ATP1A2: variants seen among roughly 807,000 people sequenced by gnomAD.
The protein encoded by ATP1A2 is sodium/potassium-transporting ATPase subunit alpha-2.
Under a neutral mutation model 113.1 loss-of-function variants are expected in ATP1A2, and 56 were observed. That is an observed-to-expected ratio of 0.49 (90% CI 0.40 to 0.62). ATP1A2 has a LOEUF of 0.62. Ranked by LOEUF, ATP1A2 falls within the 20% of genes least tolerant of loss-of-function variation. The pLI, the probability that ATP1A2 is intolerant of heterozygous loss-of-function variation, is 0.00. For synonymous variants in ATP1A2, 490 were observed against 526.8 expected (o/e 0.93, Z 0.96); for missense variants, 712 against 1,357.8 (o/e 0.52, Z 7.47).
chr1:160,141,739 C>T lies in ATP1A2; in HGVS notation c.*417C>T, dbSNP rs1175914625. The T allele has an allele frequency of 7.7e-6, 2 of 258,518 alleles. No individual in the cohort carries two copies. Among genetic ancestry groups the T allele is most frequent in the African/African-American group, 4.4e-5 (2 of 45,786 alleles). 16.0% of individuals were successfully genotyped at this position (258,518 alleles called of 1,614,324 possible). On this transcript the variant is annotated 3_prime_UTR_variant, in exon 23 of 23. Coordinates refer to ENST00000361216, the MANE Select transcript of ATP1A2 (RefSeq NM_000702.4). ...ATCACCCCAGCCTCACTCCATTTCC[C>T]ACTTCCACCCCCGTTAGCTTCCTGC...
At chr1:160,136,521 T>C (rs770194994) in intron 18 of ATP1A2, 49 bp from the exon 19 acceptor site, 2 of 1,614,032 alleles carry the variant, frequency 1.2e-6, no homozygotes, top group Admixed American at 1.7e-5. Context: ...CTGTGCCCCT[T>C]CTGCTTCCTG....
rs1183406237 is a variant in ATP1A2 at position 160,135,352 on chromosome 1, G to A, written c.2115+57G>A. 6 of 1,614,086 alleles carry A rather than the reference G, an allele frequency of 3.7e-6. No homozygotes were observed. In the East Asian group the frequency reaches 8.9e-5, roughly 24 times the overall value. Reference sequence around the variant, plus strand: ...CAGGGACCGGGGAGGCAGGGACAGGGCCAAGACAAGCATGGAGTGAGAGGC... The same window carrying A: ...CAGGGACCGGGGAGGCAGGGACAGGACCAAGACAAGCATGGAGTGAGAGGC... On this transcript the variant is annotated intron_variant, in intron 15 of 22. Coordinates refer to ENST00000361216, the MANE Select transcript of ATP1A2 (RefSeq NM_000702.4). The surrounding 1 kb of genome is among the most constrained non-coding windows in gnomAD (Gnocchi z 6.3).
Position 160,117,946 on chromosome 1 carries a change from G to C in ATP1A2, c.12+2073G>C, listed in dbSNP as rs985750204. On this transcript the variant is annotated intron_variant, in intron 1 of 22. Transcript: ENST00000361216. Reference sequence around the variant, plus strand: ...GAGAGGGGGACTTGTGGTTGGGGGAGGGAGGAGTGGAGGGAGGTTGGGGGG... The same window carrying C: ...GAGAGGGGGACTTGTGGTTGGGGGACGGAGGAGTGGAGGGAGGTTGGGGGG... 3.9e-5 allele frequency among the ~76,000 whole-genome samples: 6 copies of C among 152,238 alleles called. No individual in the cohort carries two copies. In the East Asian group the frequency reaches 1.2e-3, roughly 29 times the overall value.
intron 7 of ATP1A2, among the ~76,000 whole-genome samples, 191 bp from the exon 8 acceptor site, chr1:160,127,361 T>C (rs1291113163): frequency 6.6e-6 from 1 of 152,240 alleles, no homozygotes; most frequent in Non-Finnish European, 1.5e-5. Flanking sequence ...TTTGCTGTTG[T>C]ATTGATTCAA....
chr1:160,124,354 T>C lies in ATP1A2; in HGVS notation c.554T>C (p.Val185Ala). The C allele has an allele frequency of 1.9e-6, 3 of 1,612,404 alleles. No homozygotes were observed. The highest frequency in any genetic ancestry group is 1.7e-6 in the Non-Finnish European group (2 of 1,179,412). The change falls in exon 6 of 23, where the codon GTG becomes GCG. Residue 185 changes from valine to alanine, a missense_variant. Val to Ala is a moderately conservative substitution (Grantham distance 64, BLOSUM62 0). This residue lies in a region of ATP1A2 where 99 missense variants were observed against 180.4 expected (regional missense o/e 0.55). Transcript: ENST00000361216. Reference protein sequence around the residue: ...KMQINAEEVVVGDLVEVKGGD... With the variant: ...KMQINAEEVVAGDLVEVKGGD... ...CAGATCAACGCAGAGGAAGTGGTGG[T>C]GGGAGACCTGGTGGAGGTGAAGGGT...
At chr1:160,131,587 G>C (rs1045455186) in intron 13 of ATP1A2, among the ~76,000 whole-genome samples, 1 of 152,050 alleles carries the variant, frequency 6.6e-6, no homozygotes, top group Non-Finnish European at 1.5e-5. Context: ...ACTTTGGGGG[G>C]GTCCAAGGCT....
chr1:160,124,074 G>C lies in ATP1A2; in HGVS notation c.495+18G>C, dbSNP rs1200094951. 7 of 1,612,876 alleles carry C rather than the reference G, an allele frequency of 4.3e-6. No homozygotes were observed. The East Asian group carries it at 1.6e-4, about 36-fold the overall frequency. ...TACCTCAGGTAAGATGGCAGGGCTG[G>C]GCTCTGGGCTAGGCTGTAAGGTTTT... is the stretch of plus-strand genomic sequence containing the variant. On this transcript the variant is annotated intron_variant, in intron 5 of 22. Coordinates refer to ENST00000361216, the MANE Select transcript of ATP1A2 (RefSeq NM_000702.4).
At chr1:160,117,928 G>A (rs549574551) in intron 1 of ATP1A2, among the ~76,000 whole-genome samples, 5 of 152,088 alleles carry the variant, frequency 3.3e-5, no homozygotes, top group African/African-American at 9.7e-5. Context: ...CCAGAGAGGG[G>A]GACTTGTGGT....
intron 7 of ATP1A2, among the ~76,000 whole-genome samples, chr1:160,126,713 C>T (rs1048885164): frequency 1.6e-4 from 24 of 152,132 alleles, no homozygotes; most frequent in Admixed American, 2.6e-4. Flanking sequence ...TCAAGTGATC[C>T]TCCTGCCTCA....
intron 1 of ATP1A2, among the ~76,000 whole-genome samples, chr1:160,117,936 G>A (rs1378802659): frequency 2.0e-5 from 3 of 152,104 alleles, no homozygotes; most frequent in Non-Finnish European, 4.4e-5. Context: ...GGGGACTTGT[G>A]GTTGGGGGAG....
Position 160,116,618 on chromosome 1 carries a change from G to A in ATP1A2, c.12+745G>A, listed in dbSNP as rs371015293. ...AGAGGAAGATTAACAACAATGGGGC[G>A]GGCAGGGAGAGGGCTTTGAATTCTT... On this transcript the variant is annotated intron_variant, in intron 1 of 22. Transcript: ENST00000361216. 1.1e-3 allele frequency among the ~76,000 whole-genome samples: 174 copies of A among 152,222 alleles called. 1 individual carries two copies. The South Asian group carries it at 0.016, about 14-fold the overall frequency.
intron 22 of ATP1A2, chr1:160,140,523 G>T (rs1437715362): frequency 2.9e-5 from 5 of 172,932 alleles, no homozygotes; most frequent in East Asian, 1.5e-4. Context: ...TTGTGTGTGT[G>T]GGGGGAGGAG....
Position 160,135,527 on chromosome 1 carries a change from G to A in ATP1A2, c.2209G>A (p.Asp737Asn). 6.2e-7 allele frequency: 1 copy of A among 1,614,226 alleles called. No homozygotes were observed. Among genetic ancestry groups the A allele is most frequent in the Non-Finnish European group, 8.5e-7 (1 of 1,180,044 alleles). Residue 737 changes from aspartate to asparagine, a missense_variant, in exon 16 of 23, where the codon GAC becomes AAC. This residue lies in a region of ATP1A2 where 188 missense variants were observed against 438.9 expected (regional missense o/e 0.43). Coordinates refer to ENST00000361216, the MANE Select transcript of ATP1A2 (RefSeq NM_000702.4). This position sits in a 1 kb window ranked among gnomAD's most constrained non-coding sequence, Gnocchi z 6.3. ...CATTGCCATGGGCATCTCTGGCTCTGACGTCTCTAAGCAGGCAGCCGACAT... is the reference window on the plus strand; with the variant it reads ...CATTGCCATGGGCATCTCTGGCTCTAACGTCTCTAAGCAGGCAGCCGACAT... ...IGIAMGISGS[D>N]VSKQAADMIL... is the part of the protein sequence containing the mutation.
Position 160,130,221 on chromosome 1 carries a change from C to T in ATP1A2, c.1581C>T (p.Leu527=), listed in dbSNP as rs371520433. The T allele has an allele frequency of 8.1e-6, 13 of 1,614,050 alleles. No individual in the cohort carries two copies. The highest frequency in any genetic ancestry group is 3.3e-5 in the South Asian group (3 of 91,086). The change falls in exon 12 of 23, where the codon CTC becomes CTT. Residue 527 remains leucine (L), a synonymous_variant. Coordinates refer to ENST00000361216, the MANE Select transcript of ATP1A2 (RefSeq NM_000702.4). The part of the protein sequence containing the change: ...TILVQGKEIP[L]DKEMQDAFQN... ...TGGTGCAGGGCAAGGAGATCCCGCTCGACAAGGAGATGCAAGATGCCTTTC... is the reference window on the plus strand; with the variant it reads ...TGGTGCAGGGCAAGGAGATCCCGCTTGACAAGGAGATGCAAGATGCCTTTC...
chr1:160,141,548 C>T lies in ATP1A2; in HGVS notation c.*226C>T, dbSNP rs1200994826. 4 of 606,648 alleles carry T rather than the reference C, an allele frequency of 6.6e-6. No individual in the cohort carries two copies. The highest frequency in any genetic ancestry group is 1.2e-5 in the Non-Finnish European group (4 of 335,810). The allele number at this position is 606,648 out of a possible 1,614,324, so 37.6% of individuals were successfully genotyped here. A position where few individuals can be genotyped will look rare whatever the true frequency, so the allele number is the denominator to read the frequency against. ...TTAGACACTATGTGTTAGAGTCCCC[C>T]CGACCAGATCCTTTTCCATCCCACT... On this transcript the variant is annotated 3_prime_UTR_variant, in exon 23 of 23. Transcript: ENST00000361216.
Position 160,128,837 on chromosome 1 carries a change from CG to C in ATP1A2, c.1204del (p.Glu402LysfsTer64). On this transcript the variant is annotated frameshift_variant, in exon 9 of 23. Transcript: ENST00000361216. LOFTEE classifies it high-confidence loss of function. Reference sequence around the variant, plus strand: ...ACCAAATCCATGAGGCTGACACCACCGAAGATCAGTCTGGTGATTGGGTGCT... The same window carrying C: ...ACCAAATCCATGAGGCTGACACCACCAAGATCAGTCTGGTGATTGGGTGCT... ...DNQIHEADTT[E>X]DQSGATFDKR... is the part of the protein sequence containing the mutation. 1 of 1,614,100 alleles carries C rather than the reference CG, an allele frequency of 6.2e-7. No homozygotes were observed. Among genetic ancestry groups the C allele is most frequent in the South Asian group, 1.1e-5 (1 of 91,068 alleles).
intron 3 of ATP1A2, 70 bp from the exon 4 acceptor site, chr1:160,123,143 A>C: frequency 6.4e-7 from 1 of 1,556,372 alleles, no homozygotes; most frequent in Non-Finnish European, 8.8e-7. Context: ...CGGGAGCTGA[A>C]GGGATGGGCA....
chr1:160,130,146 G>C lies in ATP1A2; in HGVS notation c.1506G>C (p.Leu502=), dbSNP rs753451198. The C allele has an allele frequency of 6.2e-7, 1 of 1,614,238 alleles. No individual in the cohort carries two copies. The highest frequency in any genetic ancestry group is 8.5e-7 in the Non-Finnish European group (1 of 1,180,052). The change falls in exon 12 of 23, where the codon CTG becomes CTC. Residue 502 remains leucine (L), a synonymous_variant. Coordinates refer to ENST00000361216, the MANE Select transcript of ATP1A2 (RefSeq NM_000702.4). ...EREDSPQSHV[L]VMKGAPERIL... ...AAGACAGCCCCCAGAGCCACGTGCT[G>C]GTGATGAAGGGGGCCCCAGAGCGCA...
intron 17 of ATP1A2, 70 bp from the exon 18 acceptor site, chr1:160,136,177 G>A: frequency 6.2e-7 from 1 of 1,609,674 alleles, no homozygotes; most frequent in Non-Finnish European, 8.5e-7. Context: ...CACTGTCGAA[G>A]ATCAATTGCT....
Sources: gnomAD v4.1 joint callset for allele counts (sites outside exome capture counted in the v4.1 genomes callset) on GRCh38, gnomAD v4.1.1 for gene constraint, gnomAD v4.1.1 regional missense constraint, Gnocchi (gnomAD v3.1) non-coding constraint, MANE v1.5 for transcripts, NCBI Gene and HGNC (gene_info 2026-07-23, HGNC 2026-07-21) for gene names.